The following CNPY1 variants were observed in gnomAD, a reference collection of about 807,000 sequenced individuals.
CNPY1 encodes protein canopy homolog 1.
CNPY1 carries 14 observed loss-of-function variants against 14.4 expected under a neutral mutation model. That is an observed-to-expected ratio of 0.97 (90% confidence interval 0.64 to 1.52). The LOEUF is 1.52. Ranked by LOEUF, CNPY1 falls within the 40% of genes most tolerant of loss-of-function variation. The pLI, the probability that CNPY1 is intolerant of heterozygous loss-of-function variation, is 0.00. For missense variants in CNPY1, 129 were observed against 131.5 expected (o/e 0.98, Z 0.09); for synonymous variants, 43 against 46.5 (o/e 0.92, Z 0.31).
chr7:155,523,107 A>G (rs1796755183), intron 2 of CNPY1, among the ~76,000 whole-genome samples: 1 of 152,198 alleles, frequency 6.6e-6, no homozygotes, highest in Non-Finnish European at 1.5e-5. Context: ...AGGACTAGGG[A>G]TTTATTAAGG....
intron 1 of CNPY1, 85 bp downstream of exon 1, chr7:155,546,344 C>A: frequency 2.7e-6 from 1 of 375,326 alleles, no homozygotes; most frequent in Non-Finnish European, 4.6e-6. Flanking sequence ...CGTCGCCACA[C>A]CCGGCTAATT....
chr7:155,544,536 A>G lies in CNPY1; in HGVS notation c.99+1295T>C, dbSNP rs144762061. Among the ~76,000 whole-genome samples, 242 of 152,334 alleles carry G rather than the reference A, an allele frequency of 1.6e-3. 7 individuals carry two copies. The highest frequency in any genetic ancestry group is 0.014 in the Admixed American group (218 of 15,304). ...GCTATGCTGGCTGGCACACACCCCCACATTACACATGTGGACACAATGCAC... is the reference window on the plus strand; with the variant it reads ...GCTATGCTGGCTGGCACACACCCCCGCATTACACATGTGGACACAATGCAC... On this transcript the variant is annotated intron_variant, in intron 2 of 4. Transcript: ENST00000636446.
intron 3 of CNPY1, among the ~76,000 whole-genome samples, chr7:155,508,453 G>A (rs1177364486): frequency 2.0e-5 from 3 of 152,170 alleles, no homozygotes; most frequent in East Asian, 3.8e-4. Context: ...AGCGGCATTC[G>A]TTTTAATTTG....
chr7:155,515,503 C>T (rs562412255), intron 2 of CNPY1, among the ~76,000 whole-genome samples: 39 of 152,290 alleles, frequency 2.6e-4, no homozygotes, highest in African/African-American at 8.9e-4. Flanking sequence ...CCCTAGGGAC[C>T]CGGGGACCGC....
At chr7:155,513,777 G>A (rs1418758009) in intron 2 of CNPY1, among the ~76,000 whole-genome samples, 1 of 151,612 alleles carries the variant, frequency 6.6e-6, no homozygotes, top group Admixed American at 6.6e-5. Context: ...CCAAATGGGG[G>A]TCATCTAACA....
At chr7:155,545,020 G>A (rs1002030) in intron 2 of CNPY1, among the ~76,000 whole-genome samples, 1,634 of 152,172 alleles carry the variant, frequency 0.011, 16 homozygotes, top group South Asian at 0.047. Flanking sequence ...TGTCCTCTTC[G>A]GATGGGCACA....
chr7:155,545,855 G>A lies in CNPY1; in HGVS notation c.75C>T (p.Pro25=), dbSNP rs2161881. ...CCTTTCTCCTCTCCTGAGTCCCATC[G>A]GGATTGATTCGGAAGGATCCCACCT... is the stretch of plus-strand genomic sequence containing the variant. ...KTKVGSFRIN[P]DGTQERRKIP... is the part of the protein sequence containing the mutation. The change falls in exon 2 of 5, where the codon CCC becomes CCT. Residue 25 remains proline, a synonymous_variant. Coordinates refer to ENST00000636446, the MANE Select transcript of CNPY1 (RefSeq NM_001393663.1). 285,161 of 398,502 alleles carry A rather than the reference G, an allele frequency of 0.72. 102,506 individuals carry two copies. Among genetic ancestry groups the A allele is most frequent in the Middle Eastern group, 0.78 (1,242 of 1,590 alleles). 24.7% of individuals were successfully genotyped at this position (398,502 alleles called of 1,614,324 possible).
chr7:155,543,919 G>A (rs1277644547), intron 2 of CNPY1, among the ~76,000 whole-genome samples: 1 of 152,208 alleles, frequency 6.6e-6, no homozygotes, highest in Non-Finnish European at 1.5e-5. Flanking sequence ...GCTTTCAGTT[G>A]CTTTGCAGAC....
chr7:155,535,157 C>G (rs4716449), intron 2 of CNPY1, among the ~76,000 whole-genome samples: 45,879 of 152,104 alleles, frequency 0.3, 7,443 homozygotes, highest in Non-Finnish European at 0.38. Flanking sequence ...TTCCCTAATG[C>G]CAAATCCAAC....
chr7:155,537,091 C>T lies in CNPY1; in HGVS notation c.99+8740G>A, dbSNP rs570753554. ...ACATGAGGACTGTAAGTAAAGGAGCCGGGGCTATTTATTACTCCGCATGCT... is the reference window on the plus strand; with the variant it reads ...ACATGAGGACTGTAAGTAAAGGAGCTGGGGCTATTTATTACTCCGCATGCT... On this transcript the variant is annotated intron_variant, in intron 2 of 4. Transcript: ENST00000636446. 1.2e-4 allele frequency among the ~76,000 whole-genome samples: 18 copies of T among 152,190 alleles called. No individual in the cohort carries two copies. In the South Asian group the frequency reaches 1.5e-3, roughly 12 times the overall value.
chr7:155,540,749 T>A (rs11982850), intron 2 of CNPY1, among the ~76,000 whole-genome samples: 17,720 of 152,222 alleles, frequency 0.12, 2,181 homozygotes, highest in African/African-American at 0.31. Context: ...ATCCAGTGAC[T>A]GGAGCTCGGA....
chr7:155,511,243 G>A (rs1160509299), intron 2 of CNPY1, among the ~76,000 whole-genome samples: 2 of 152,166 alleles, frequency 1.3e-5, no homozygotes, highest in Non-Finnish European at 2.9e-5. Flanking sequence ...CAGAAACTTA[G>A]GCCTTCCTTC....
intron 3 of CNPY1, among the ~76,000 whole-genome samples, chr7:155,507,428 G>C (rs1309916976): frequency 1.6e-5 from 2 of 125,158 alleles, no homozygotes; most frequent in Non-Finnish European, 3.1e-5. Flanking sequence ...GGAAGAAATG[G>C]ACCTCCTATC....
intron 2 of CNPY1, among the ~76,000 whole-genome samples, chr7:155,539,746 G>C (rs1797063424): frequency 1.3e-5 from 2 of 152,226 alleles, no homozygotes; most frequent in Non-Finnish European, 1.5e-5. Context: ...TGAAATATGA[G>C]ACTCCAACAA....
chr7:155,507,389 C>T (rs150157727), intron 3 of CNPY1, among the ~76,000 whole-genome samples: 191 of 144,800 alleles, frequency 1.3e-3, no homozygotes, highest in African/African-American at 4.4e-3. Context: ...TTGCATGTTT[C>T]GCTTCCTTAA....
chr7:155,510,845 A>T (rs1796515214), intron 2 of CNPY1, among the ~76,000 whole-genome samples: 1 of 152,264 alleles, frequency 6.6e-6, no homozygotes, highest in Non-Finnish European at 1.5e-5. Context: ...GAAACAAATA[A>T]TTAAACACGT....
intron 2 of CNPY1, among the ~76,000 whole-genome samples, chr7:155,522,818 A>G (rs1191726929): frequency 6.6e-6 from 1 of 152,178 alleles, no homozygotes; most frequent in Non-Finnish European, 1.5e-5. Context: ...GTGTCACGGA[A>G]CTCAGCCTCC....
intron 2 of CNPY1, among the ~76,000 whole-genome samples, chr7:155,522,316 C>T (rs1334651485): frequency 6.6e-6 from 1 of 152,262 alleles, no homozygotes; most frequent in Non-Finnish European, 1.5e-5. Flanking sequence ...GGGGGAGGCC[C>T]AGGGTGTGAC....
chr7:155,546,555 G>A lies in CNPY1; in HGVS notation c.-141C>T, dbSNP rs1240501073. ...CTTGCTCTGTCACCCAGGCTGGAGT[G>A]CAGTGGTGCAATCTCAGCTCACTGC... On this transcript the variant is annotated 5_prime_UTR_variant, in exon 1 of 5. Coordinates refer to ENST00000636446, the MANE Select transcript of CNPY1 (RefSeq NM_001393663.1). The A allele has an allele frequency of 7.7e-6, 3 of 388,614 alleles. No individual in the cohort carries two copies. Among genetic ancestry groups the A allele is most frequent in the African/African-American group, 6.2e-5 (3 of 48,254 alleles). The allele number at this position is 388,614 out of a possible 1,614,324, so 24.1% of individuals were successfully genotyped here.
Sources: allele counts gnomAD v4.1 joint callset (sites outside exome capture counted in the v4.1 genomes callset), GRCh38; gene constraint gnomAD v4.1.1; transcripts MANE v1.5; gene names NCBI Gene and HGNC (gene_info 2026-07-23, HGNC 2026-07-21).